The following PTPRK variants were observed in gnomAD, a reference collection of about 807,000 sequenced individuals.
PTPRK encodes the protein protein tyrosine phosphatase receptor type K, also known as receptor-type tyrosine-protein phosphatase kappa.
PTPRK carries 75 observed loss-of-function variants against 178.0 expected under a neutral mutation model. The ratio of observed to expected loss-of-function variants is 0.42; its 90% CI spans 0.35 to 0.51. PTPRK has a LOEUF of 0.51. PTPRK is among the 20% of genes least tolerant of loss of function. The pLI, the probability that PTPRK is intolerant of heterozygous loss-of-function variation, is 0.02. For synonymous variants in PTPRK, 637 were observed against 620.6 expected, an observed-to-expected ratio of 1.03 and a Z score of -0.39; for missense variants, 1,441 against 1,797.8, an observed-to-expected ratio of 0.80 and a Z score of 3.59.
chr6:128,295,107 T>C (rs1230817749), intron 3 of PTPRK, among the ~76,000 whole-genome samples: 2 of 152,158 alleles, frequency 1.3e-5, no homozygotes, highest in Non-Finnish European at 2.9e-5. Flanking sequence ...ACTATATGAT[T>C]AATTTACATT....
intron 13 of PTPRK, among the ~76,000 whole-genome samples, chr6:128,058,266 C>T (rs1210206041): frequency 6.6e-6 from 1 of 152,040 alleles, no homozygotes; most frequent in African/African-American, 2.4e-5. Flanking sequence ...AAATTTATAC[C>T]CCCACCAGCA....
At chr6:128,213,624 A>C (rs770970051) in intron 6 of PTPRK, among the ~76,000 whole-genome samples, 2 of 152,084 alleles carry the variant, frequency 1.3e-5, no homozygotes, top group African/African-American at 2.4e-5. Context: ...ATGAGCCTAA[A>C]AGCTGTGCTA....
At chr6:128,074,851 A>C (rs1050628448) in intron 11 of PTPRK, among the ~76,000 whole-genome samples, 1 of 152,034 alleles carries the variant, frequency 6.6e-6, no homozygotes, top group Non-Finnish European at 1.5e-5. Flanking sequence ...TGTAAGCACA[A>C]CACCATGATC....
At chr6:128,163,157 C>T (rs1048640423) in intron 7 of PTPRK, among the ~76,000 whole-genome samples, 1 of 151,104 alleles carries the variant, frequency 6.6e-6, no homozygotes, top group African/African-American at 2.4e-5. Flanking sequence ...AATTAGTTAA[C>T]AATTTTTCAT....
At chr6:128,094,507 A>T (rs974950853) in intron 7 of PTPRK, among the ~76,000 whole-genome samples, 1 of 152,180 alleles carries the variant, frequency 6.6e-6, no homozygotes. Context: ...GACAAAGAAA[A>T]TTAAGGTGCT....
intron 3 of PTPRK, among the ~76,000 whole-genome samples, chr6:128,309,385 G>T (rs1826908101): frequency 6.6e-6 from 1 of 152,118 alleles, no homozygotes; most frequent in African/African-American, 2.4e-5. Flanking sequence ...AGAGAGGGGT[G>T]GGGGAGCCTA....
intron 6 of PTPRK, among the ~76,000 whole-genome samples, chr6:128,204,052 G>A (rs1016578225): frequency 6.6e-6 from 1 of 152,108 alleles, no homozygotes; most frequent in Non-Finnish European, 1.5e-5. Flanking sequence ...AACCAAAACA[G>A]CATAGTATTG....
At chr6:128,106,757 G>A (rs533788436) in intron 7 of PTPRK, among the ~76,000 whole-genome samples, 1 of 152,006 alleles carries the variant, frequency 6.6e-6, no homozygotes, top group Non-Finnish European at 1.5e-5. Context: ...AAAACTATGG[G>A]GAGAATTGTT....
intron 7 of PTPRK, among the ~76,000 whole-genome samples, chr6:128,098,447 T>C (rs148504372): frequency 2.1e-3 from 324 of 152,200 alleles, no homozygotes; most frequent in Non-Finnish European, 3.1e-3. Context: ...TTCTAGAATA[T>C]GAGATACATG....
intron 7 of PTPRK, among the ~76,000 whole-genome samples, chr6:128,181,967 T>A (rs1402618449): frequency 6.6e-6 from 1 of 152,148 alleles, no homozygotes; most frequent in South Asian, 2.1e-4. Flanking sequence ...CCTGATGAAA[T>A]AGTAACCATG....
chr6:128,158,021 T>A (rs1798177472), intron 7 of PTPRK, among the ~76,000 whole-genome samples: 1 of 152,176 alleles, frequency 6.6e-6, no homozygotes, highest in Middle Eastern at 3.4e-3. Context: ...CATGCCTATG[T>A]CCTGAATGGT....
intron 6 of PTPRK, among the ~76,000 whole-genome samples, chr6:128,185,490 A>G (rs1350385578): frequency 6.6e-6 from 1 of 152,134 alleles, no homozygotes; most frequent in Non-Finnish European, 1.5e-5. Flanking sequence ...AATGTGACTG[A>G]AATGAGACAC....
intron 11 of PTPRK, among the ~76,000 whole-genome samples, chr6:128,068,677 C>A (rs1231464696): frequency 6.6e-6 from 1 of 151,368 alleles, no homozygotes; most frequent in East Asian, 1.9e-4. Flanking sequence ...GTAGAAAATT[C>A]TTTACGTTAA....
intron 7 of PTPRK, among the ~76,000 whole-genome samples, chr6:128,176,572 T>G (rs1257299212): frequency 6.6e-6 from 1 of 151,870 alleles, no homozygotes; most frequent in African/African-American, 2.4e-5. Flanking sequence ...CATTTTTTAC[T>G]GAGTTCACAA....
chr6:128,334,691 A>G (rs1024245963), intron 2 of PTPRK, among the ~76,000 whole-genome samples: 1 of 152,212 alleles, frequency 6.6e-6, no homozygotes, highest in Non-Finnish European at 1.5e-5. Context: ...TTAAACTTTA[A>G]GTCCACTGAA....
chr6:128,489,957 C>T (rs1853529139), intron 1 of PTPRK, among the ~76,000 whole-genome samples: 1 of 152,148 alleles, frequency 6.6e-6, no homozygotes, highest in Non-Finnish European at 1.5e-5. Flanking sequence ...TTCAGGTATG[C>T]TGAAGCTTAA....
chr6:128,012,458 C>T (rs754679627), intron 13 of PTPRK, among the ~76,000 whole-genome samples: 22 of 151,246 alleles, frequency 1.5e-4, no homozygotes, highest in Non-Finnish European at 2.7e-4. Context: ...TGCACATACA[C>T]AAAGACAATG....
chr6:128,507,549 T>C (rs775666991), intron 1 of PTPRK, among the ~76,000 whole-genome samples: 11 of 152,124 alleles, frequency 7.2e-5, no homozygotes, highest in Non-Finnish European at 1.3e-4. Flanking sequence ...CCACCCTCAT[T>C]CCTGGCTGAT....
At chr6:128,258,677 T>C (rs1817713440) in intron 3 of PTPRK, among the ~76,000 whole-genome samples, 1 of 152,166 alleles carries the variant, frequency 6.6e-6, no homozygotes, top group African/African-American at 2.4e-5. Context: ...ACCAAAGTGC[T>C]AAGGCAAGGA....
Sources: gnomAD v4.1 joint callset for allele counts (sites outside exome capture counted in the v4.1 genomes callset) on GRCh38, gnomAD v4.1.1 for gene constraint, MANE v1.5 for transcripts, NCBI Gene and HGNC (gene_info 2026-07-23, HGNC 2026-07-21) for gene names.